The following FNBP1 variants were observed in gnomAD, a reference collection of about 807,000 sequenced individuals.
FNBP1 encodes formin-binding protein 1.
Under a neutral mutation model 90.6 loss-of-function variants are expected in FNBP1, and 26 were observed. The ratio of observed to expected loss-of-function variants is 0.29; its 90% CI spans 0.21 to 0.40. The LOEUF (loss-of-function observed/expected upper bound fraction) is 0.40. Among genes scored for constraint, FNBP1 ranks in the 10% least tolerant of loss-of-function variants. The pLI is 1.00. For missense variants in FNBP1, 635 were observed against 768.0 expected, an observed-to-expected ratio of 0.83 and a Z score of 2.05; for synonymous variants, 260 against 265.2, an observed-to-expected ratio of 0.98 and a Z score of 0.19.
At chr9:130,032,890 T>G (rs2058926754) in intron 1 of FNBP1, among the ~76,000 whole-genome samples, 1 of 152,196 alleles carries the variant, frequency 6.6e-6, no homozygotes, top group African/African-American at 2.4e-5. Flanking sequence ...GAGGAAAAGA[T>G]AAACATGCTA....
intron 6 of FNBP1, among the ~76,000 whole-genome samples, chr9:129,947,941 A>AT (rs1036353519): frequency 1.8e-4 from 27 of 151,332 alleles, no homozygotes; most frequent in Admixed American, 1.8e-3. Context: ...TTTTTAAAAG[A>AT]TAAGTCCATG....
At chr9:130,032,116 T>C (rs1422458253) in intron 1 of FNBP1, among the ~76,000 whole-genome samples, 1 of 152,150 alleles carries the variant, frequency 6.6e-6, no homozygotes. Context: ...CACCTTACTT[T>C]TGAAACTGAA....
At chr9:130,043,354 AGGACGCGGAGGGAGGTGTGAGGGACGGCG>A (rs1178311504), upstream of FNBP1, among the ~76,000 whole-genome samples, 1 of 152,034 alleles carries the variant, frequency 6.6e-6, no homozygotes, top group Non-Finnish European at 1.5e-5. Context: ...GGGGTCCGGA[AGGACGCGGAGGGAGGTGTGAGGGACGGCG>A]GGACCCGGAT....
chr9:129,948,268 C>CT (rs1156522039), intron 6 of FNBP1, among the ~76,000 whole-genome samples: 2 of 151,828 alleles, frequency 1.3e-5, no homozygotes, highest in Non-Finnish European at 2.9e-5. Context: ...GGGAGAGACC[C>CT]TGTCTCAACA....
At chr9:129,981,244 C>G (rs905003086) in intron 2 of FNBP1, among the ~76,000 whole-genome samples, 6 of 152,010 alleles carry the variant, frequency 3.9e-5, no homozygotes, top group Non-Finnish European at 7.4e-5. Flanking sequence ...TACACCACCA[C>G]GCCCAGATAA....
At chr9:129,902,774 C>A in intron 13 of FNBP1, 95 bp downstream of exon 13, 2 of 1,246,270 alleles carry the variant, frequency 1.6e-6, no homozygotes, top group Non-Finnish European at 2.3e-6. Flanking sequence ...TGTGTACCTC[C>A]CAGTGAGAGG....
chr9:129,978,432 T>G (rs776617678), intron 4 of FNBP1, 33 bp downstream of exon 4: 4 of 1,591,990 alleles, frequency 2.5e-6, no homozygotes, highest in Non-Finnish European at 3.4e-6. Flanking sequence ...TTGGTCCATC[T>G]TTTAGGAAGA....
chr9:129,915,915 C>A, intron 11 of FNBP1, 51 bp downstream of exon 11: 2 of 1,404,494 alleles, frequency 1.4e-6, no homozygotes, highest in African/African-American at 1.4e-5. Context: ...ATAAAAGACA[C>A]GCCAGAAAAC....
At chr9:130,037,247 A>G (rs1451979667) in intron 1 of FNBP1, among the ~76,000 whole-genome samples, 4 of 148,922 alleles carry the variant, frequency 2.7e-5, no homozygotes, top group Non-Finnish European at 6.0e-5. Flanking sequence ...GCAGCTACTC[A>G]GGAGGCTGAG....
chr9:129,891,313 A>AAATT (rs1394793430), intron 16 of FNBP1, among the ~76,000 whole-genome samples: 3 of 152,180 alleles, frequency 2.0e-5, no homozygotes, highest in Non-Finnish European at 4.4e-5. Context: ...AATTAAAAAA[A>AAATT]AATTAACCAG....
At chr9:129,934,362 A>C (rs2043145234) in intron 6 of FNBP1, among the ~76,000 whole-genome samples, 1 of 152,180 alleles carries the variant, frequency 6.6e-6, no homozygotes, top group African/African-American at 2.4e-5. Context: ...AGTGTCACAG[A>C]ATTTCAAGAT....
chr9:129,904,863 G>A (rs568875290), intron 12 of FNBP1, among the ~76,000 whole-genome samples: 87 of 152,100 alleles, frequency 5.7e-4, no homozygotes, highest in Non-Finnish European at 1.1e-3. Flanking sequence ...CCCAAGTGTC[G>A]AAGCCATCCT....
intron 6 of FNBP1, among the ~76,000 whole-genome samples, chr9:129,942,416 C>G (rs2044464132): frequency 6.6e-6 from 1 of 152,202 alleles, no homozygotes; most frequent in African/African-American, 2.4e-5. Context: ...ACCCCCACCT[C>G]TCTTTATTGG....
chr9:129,973,667 AT>A (rs745641781), intron 4 of FNBP1, among the ~76,000 whole-genome samples: 12,966 of 135,232 alleles, frequency 0.096, 609 homozygotes, highest in Middle Eastern at 0.17. Context: ...TGCCCGGCTA[AT>A]TTTTTTTTTT....
chr9:129,927,580 G>A lies in FNBP1; in HGVS notation c.643-239C>T, dbSNP rs1169698234. The stretch of plus-strand genomic sequence containing the variant: ...CACAATTCCATTCTAATTTTAGTAA[G>A]AATGCCAAACTCAATAGTTCTTTTT... On this transcript the variant is annotated intron_variant, in intron 7 of 16. Coordinates refer to ENST00000446176, the MANE Select transcript of FNBP1 (RefSeq NM_015033.3). Among the ~76,000 whole-genome samples the A allele has an allele frequency of 2.6e-5, 4 of 152,134 alleles. No individual in the cohort carries two copies. The East Asian group carries it at 7.7e-4, about 29-fold the overall frequency.
intron 6 of FNBP1, among the ~76,000 whole-genome samples, chr9:129,947,779 C>T (rs2132513192): frequency 6.6e-6 from 1 of 151,754 alleles, no homozygotes; most frequent in Non-Finnish European, 1.5e-5. Context: ...TGCGCCACCA[C>T]ACCTGGCTAA....
chr9:129,903,803 T>C (rs748466539), intron 12 of FNBP1, among the ~76,000 whole-genome samples: 5 of 152,116 alleles, frequency 3.3e-5, no homozygotes, highest in African/African-American at 7.2e-5. Context: ...AGTGCTGGGA[T>C]TACAGGCATG....
rs1006674347 is a variant in FNBP1 at position 129,909,871 on chromosome 9, C to T, written c.1186-872G>A. Among the ~76,000 whole-genome samples the T allele has an allele frequency of 8.5e-5, 13 of 152,302 alleles. No individual in the cohort carries two copies. In the South Asian group the frequency reaches 1.7e-3, roughly 19 times the overall value. Reference sequence around the variant, plus strand: ...AAGTGCTGGGATTACAGGCATGAGCCGCCGCGCCCAGCCTAGTGACTTCTT... The same window carrying T: ...AAGTGCTGGGATTACAGGCATGAGCTGCCGCGCCCAGCCTAGTGACTTCTT... On this transcript the variant is annotated intron_variant, in intron 11 of 16. Transcript: ENST00000446176.
chr9:129,915,116 T>C (rs899092754), intron 11 of FNBP1, among the ~76,000 whole-genome samples: 1 of 151,954 alleles, frequency 6.6e-6, no homozygotes, highest in African/African-American at 2.4e-5. Context: ...TGTGGCCTCT[T>C]GAATCAGCTA....
Sources: gnomAD v4.1 joint callset for allele counts (sites outside exome capture counted in the v4.1 genomes callset) on GRCh38, gnomAD v4.1.1 for gene constraint, MANE v1.5 for transcripts, NCBI Gene and HGNC (gene_info 2026-07-23, HGNC 2026-07-21) for gene names.